ITGB3: variants seen among roughly 807,000 people sequenced by gnomAD.
ITGB3 encodes integrin beta-3.
ITGB3 carries 48 observed loss-of-function variants against 85.8 expected under a neutral mutation model. The observed-to-expected ratio is 0.56, with a 90% CI of 0.44 to 0.71. ITGB3 has a LOEUF of 0.71. Among genes scored for constraint, ITGB3 ranks in the 30% least tolerant of loss-of-function variants. ITGB3 has a pLI of 0.00. For synonymous variants in ITGB3, 363 were observed against 395.6 expected, an observed-to-expected ratio of 0.92 and a Z score of 0.98; for missense variants, 861 against 1,019.1, an observed-to-expected ratio of 0.84 and a Z score of 2.11.
intron 6 of ITGB3, among the ~76,000 whole-genome samples, chr17:47,288,718 C>T (rs903038866): frequency 6.6e-6 from 1 of 152,216 alleles, no homozygotes; most frequent in Non-Finnish European, 1.5e-5. Flanking sequence ...GAGTCAGCAA[C>T]ATTTGACCCC....
intron 13 of ITGB3, 136 bp from the exon 14 acceptor site, chr17:47,307,333 TAA>T: frequency 1.1e-6 from 1 of 950,784 alleles, no homozygotes; most frequent in African/African-American, 1.6e-5. Flanking sequence ...ATTGTCTCCT[TAA>T]AAAAATTAAT....
chr17:47,276,519 T>G (rs1202279906), intron 2 of ITGB3, among the ~76,000 whole-genome samples: 1 of 152,132 alleles, frequency 6.6e-6, no homozygotes, highest in East Asian at 1.9e-4. Flanking sequence ...TGGGCGCAGC[T>G]AGGACCAAAG....
chr17:47,278,455 C>T (rs908844526), intron 2 of ITGB3, among the ~76,000 whole-genome samples: 1 of 152,150 alleles, frequency 6.6e-6, no homozygotes, highest in Non-Finnish European at 1.5e-5. Flanking sequence ...TGGCGCAGGC[C>T]TGTAACCCCA....
At position 47,307,451 on chromosome 17, in the gene ITGB3, T is replaced by G; in HGVS notation, c.2135-20T>G. On this transcript the variant is annotated intron_variant, in intron 13 of 14. Coordinates refer to ENST00000559488, the MANE Select transcript of ITGB3 (RefSeq NM_000212.3). ...CCTGCTTCATTCACAACCGCCCTGC[T>G]CTGTGCTTCTTCCTCACAGAGTGTC... The G allele has an allele frequency of 6.2e-7, 1 of 1,613,632 alleles. No individual in the cohort carries two copies. The highest frequency in any genetic ancestry group is 8.5e-7 in the Non-Finnish European group (1 of 1,180,008).
intron 4 of ITGB3, among the ~76,000 whole-genome samples, chr17:47,285,455 T>C (rs1208639447): frequency 2.6e-5 from 4 of 151,906 alleles, no homozygotes; most frequent in Non-Finnish European, 4.4e-5. Flanking sequence ...TCTACAAAAA[T>C]TACAAAAAAA....
chr17:47,254,111 C>T (rs541859433), intron 1 of ITGB3, among the ~76,000 whole-genome samples, 171 bp downstream of exon 1: 2 of 152,158 alleles, frequency 1.3e-5, no homozygotes, highest in Non-Finnish European at 2.9e-5. Context: ...CCTTCCTGGC[C>T]CGGCGGTGGC....
intron 1 of ITGB3, 52 bp downstream of exon 1, chr17:47,253,992 C>A (rs11871407): frequency 2.1e-5 from 25 of 1,194,992 alleles, no homozygotes; most frequent in East Asian, 6.4e-5. Context: ...GATCTGCGCC[C>A]CGGTCAAGTT....
At chr17:47,269,011 A>G (rs1324162840) in intron 1 of ITGB3, among the ~76,000 whole-genome samples, 4 of 151,448 alleles carry the variant, frequency 2.6e-5, no homozygotes, top group South Asian at 2.1e-4. Flanking sequence ...TCAACACCAC[A>G]TGGAAGCTGC....
intron 2 of ITGB3, among the ~76,000 whole-genome samples, chr17:47,280,870 G>A (rs1024332256): frequency 1.3e-5 from 2 of 151,978 alleles, no homozygotes; most frequent in African/African-American, 4.8e-5. Context: ...TTCCTTTTCC[G>A]TGCCTTGACT....
Position 47,300,598 on chromosome 17 carries a change from G to T in ITGB3, c.2014+20G>T. 1 of 1,559,450 alleles carries T rather than the reference G, an allele frequency of 6.4e-7. No homozygotes were observed. Among genetic ancestry groups the T allele is most frequent in the South Asian group, 1.1e-5 (1 of 89,496 alleles). On this transcript the variant is annotated intron_variant, in intron 12 of 14. Coordinates refer to ENST00000559488, the MANE Select transcript of ITGB3 (RefSeq NM_000212.3). Reference sequence around the variant, plus strand: ...AGCTTAGTAAGTTCAGCACATCTTAGAGTTGCACACACCCAGGTTCTAAAT... The same window carrying T: ...AGCTTAGTAAGTTCAGCACATCTTATAGTTGCACACACCCAGGTTCTAAAT...
chr17:47,269,769 T>G (rs1422343909), intron 1 of ITGB3, among the ~76,000 whole-genome samples: 1 of 152,216 alleles, frequency 6.6e-6, no homozygotes, highest in African/African-American at 2.4e-5. Context: ...TGTTACTCAG[T>G]TCCAAAGTCA....
At chr17:47,262,379 G>A (rs951045496) in intron 1 of ITGB3, among the ~76,000 whole-genome samples, 2 of 152,176 alleles carry the variant, frequency 1.3e-5, no homozygotes, top group East Asian at 1.9e-4. Context: ...AGGTGGGGTC[G>A]ATGCTAATAA....
At chr17:47,272,280 T>C (rs1167932024) in intron 1 of ITGB3, among the ~76,000 whole-genome samples, 2 of 150,696 alleles carry the variant, frequency 1.3e-5, no homozygotes, top group African/African-American at 4.9e-5. Flanking sequence ...AGTCTTGATC[T>C]CCTGACCTCG....
chr17:47,255,857 A>T (rs2064987629), intron 1 of ITGB3, among the ~76,000 whole-genome samples: 1 of 152,218 alleles, frequency 6.6e-6, no homozygotes, highest in South Asian at 2.1e-4. Flanking sequence ...GATGACTATG[A>T]CACAGAAATA....
At position 47,299,826 on chromosome 17, in the gene ITGB3, T is replaced by C. The variant is rs1002173921; in HGVS notation, c.1913+296T>C. 6.6e-6 allele frequency among the ~76,000 whole-genome samples: 1 copy of C among 152,182 alleles called. No individual in the cohort carries two copies. Among genetic ancestry groups the C allele is most frequent in the African/African-American group, 2.4e-5 (1 of 41,440 alleles). On this transcript the variant is annotated intron_variant, in intron 11 of 14. Coordinates refer to ENST00000559488, the MANE Select transcript of ITGB3 (RefSeq NM_000212.3). The surrounding 1 kb of genome is among the most constrained non-coding windows in gnomAD (Gnocchi z 5.1). Reference sequence around the variant, plus strand: ...AAGGCTAAACCAGTCTGAGGAACAATCCAGTGCTAATGTTCTGATTCAGTG... The same window carrying C: ...AAGGCTAAACCAGTCTGAGGAACAACCCAGTGCTAATGTTCTGATTCAGTG...
Position 47,307,620 on chromosome 17 carries a change from A to G in ITGB3, c.2284A>G (p.Arg762Gly). 1.2e-6 allele frequency: 2 copies of G among 1,614,242 alleles called. No individual in the cohort carries two copies. The highest frequency in any genetic ancestry group is 2.2e-5 in the South Asian group (2 of 91,084). The change falls in exon 14 of 15, where the codon AGA becomes GGA. Residue 762 changes from arginine to glycine, a missense_variant. By Grantham distance (125) the Arg-to-Gly change is moderately radical. Coordinates refer to ENST00000559488, the MANE Select transcript of ITGB3 (RefSeq NM_000212.3). ...EFAKFEEERARAKWDTANNPL... is the reference protein window; with the variant it reads ...EFAKFEEERAGAKWDTANNPL... ...CGCTAAATTTGAGGAAGAACGCGCC[A>G]GAGCAAAATGGGACACAGTAAGAGA...
At chr17:47,291,267 C>G in intron 9 of ITGB3, 179 bp downstream of exon 9, 1 of 688,172 alleles carries the variant, frequency 1.5e-6, no homozygotes, top group Non-Finnish European at 2.5e-6. Context: ...ATCTTTTCCT[C>G]TGAGGCTTCT....
In ITGB3 at chr17:47,308,779, G is replaced by A. The variant is rs146379808; in HGVS notation, c.2301+1142G>A. Among the ~76,000 whole-genome samples the A allele has an allele frequency of 3.0e-3, 461 of 152,264 alleles. 2 individuals carry two copies. The highest frequency in any genetic ancestry group is 3.2e-3 in the Non-Finnish European group (220 of 68,006). ...CTCCCAAAGTGCTAGGATTCCAGGC[G>A]TGAGCCACTGCGCCTGGCTAAGAAT... On this transcript the variant is annotated intron_variant, in intron 14 of 14. Coordinates refer to ENST00000559488, the MANE Select transcript of ITGB3 (RefSeq NM_000212.3).
At position 47,292,487 on chromosome 17, in the gene ITGB3, AGT is replaced by A. The variant is rs1341200025; in HGVS notation, c.1611_1612del (p.Ser537ArgfsTer13). 1.9e-6 allele frequency: 3 copies of A among 1,610,444 alleles called. No homozygotes were observed. In the African/African-American group the frequency reaches 4.0e-5, roughly 21 times the overall value. Reference protein sequence around the residue: ...CLCGQCVCHSSDFGKITGKYC... With the variant: ...CLCGQCVCHSXDFGKITGKYC... ...CTGTGGTCAATGTGTCTGCCACAGC[AGT>A]GACTTTGGCAAGATCACGGGCAAGT... On this transcript the variant is annotated frameshift_variant, in exon 10 of 15. Transcript: ENST00000559488. LOFTEE classifies it high-confidence loss of function.
Sources: gnomAD v4.1 joint callset for allele counts (sites outside exome capture counted in the v4.1 genomes callset) on GRCh38, gnomAD v4.1.1 for gene constraint, Gnocchi (gnomAD v3.1) non-coding constraint, MANE v1.5 for transcripts, NCBI Gene and HGNC (gene_info 2026-07-23, HGNC 2026-07-21) for gene names.